The following LPP variants were observed in gnomAD, a reference collection of about 807,000 sequenced individuals.
The protein encoded by LPP is lipoma-preferred partner.
A neutral mutation model predicts 60.4 loss-of-function variants in LPP; 38 were observed. That is an observed-to-expected ratio of 0.63 (90% confidence interval 0.49 to 0.83). LPP has a LOEUF of 0.83. Among genes scored for constraint, LPP ranks in the 40% least tolerant of loss-of-function variants. The pLI, the probability that LPP is intolerant of heterozygous loss-of-function variation, is 0.00. For missense variants in LPP, 902 were observed against 783.6 expected, an observed-to-expected ratio of 1.15 and a Z score of -1.80; for synonymous variants, 328 against 290.8, an observed-to-expected ratio of 1.13 and a Z score of -1.30.
chr3:188,784,399 A>G, intron 9 of LPP, among the ~76,000 whole-genome samples: 1 of 9,714 alleles, frequency 1.0e-4, no homozygotes, highest in South Asian at 4.5e-3. Context: ...TCCATCATAT[A>G]TATATATTCC....
chr3:188,420,490 T>C (rs541591584), intron 4 of LPP, among the ~76,000 whole-genome samples: 9 of 152,336 alleles, frequency 5.9e-5, no homozygotes, highest in African/African-American at 2.2e-4. Context: ...GATTATTAAC[T>C]ACACAATCTC....
At chr3:188,370,455 A>G (rs968985192) in intron 3 of LPP, among the ~76,000 whole-genome samples, 1 of 152,076 alleles carries the variant, frequency 6.6e-6, no homozygotes, top group African/African-American at 2.4e-5. Flanking sequence ...CATCTAATCA[A>G]CATGATGATT....
At chr3:188,428,512 A>G (rs1280902025) in intron 4 of LPP, among the ~76,000 whole-genome samples, 1 of 151,962 alleles carries the variant, frequency 6.6e-6, no homozygotes, top group Non-Finnish European at 1.5e-5. Flanking sequence ...CACCTGGGGA[A>G]CTTCAAAAAA....
chr3:188,650,276 A>C (rs1276342040), intron 7 of LPP, among the ~76,000 whole-genome samples: 5 of 152,232 alleles, frequency 3.3e-5, no homozygotes, highest in African/African-American at 1.2e-4. Context: ...AATTTCTTGA[A>C]GGTGATGTCA....
At chr3:188,315,847 A>G (rs963871749) in intron 2 of LPP, among the ~76,000 whole-genome samples, 1 of 152,344 alleles carries the variant, frequency 6.6e-6, no homozygotes, top group Admixed American at 6.5e-5. Flanking sequence ...CTAGGTATCT[A>G]CTAATGTGTA....
At chr3:188,638,038 AAAGCCTGGCAGAGACAC>A (rs1413055209) in intron 7 of LPP, among the ~76,000 whole-genome samples, 7 of 150,478 alleles carry the variant, frequency 4.7e-5, no homozygotes, top group African/African-American at 1.7e-4. Context: ...TCCTGATACC[AAAGCCTGGCAGAGACAC>A]AACCAAAAAA....
At chr3:188,277,872 T>G (rs1024343922) in intron 2 of LPP, among the ~76,000 whole-genome samples, 3 of 152,196 alleles carry the variant, frequency 2.0e-5, no homozygotes, top group African/African-American at 7.2e-5. Flanking sequence ...CCCTGGCTAT[T>G]GTCATTCGCC....
intron 2 of LPP, among the ~76,000 whole-genome samples, chr3:188,295,130 C>T (rs555002888): frequency 5.3e-5 from 8 of 152,316 alleles, no homozygotes; most frequent in South Asian, 2.1e-4. Context: ...TGTATTTGAA[C>T]GGTTCGTACA....
chr3:188,759,265 C>T (rs1250787712), intron 8 of LPP: 1 of 152,180 alleles, frequency 6.6e-6, no homozygotes. Context: ...ATATGTAGGC[C>T]AGATGCCACA....
rs147125668 is a variant in LPP at position 188,723,706 on chromosome 3, T to TA, written c.1240+15324dup. ...ATCCACTTAGCTTGTGAATGTAGCT[T>TA]AAAAAAAAAAAGATTTTACACAAAT... On this transcript the variant is annotated intron_variant, in intron 8 of 11. Coordinates refer to ENST00000617246, the MANE Select transcript of LPP (RefSeq NM_001375462.1). Among the ~76,000 whole-genome samples the TA allele has an allele frequency of 3.7e-4, 54 of 145,570 alleles. No homozygotes were observed. In the South Asian group the frequency reaches 3.9e-3, roughly 11 times the overall value.
chr3:188,443,019 T>G (rs1794401016), intron 4 of LPP, among the ~76,000 whole-genome samples: 1 of 152,202 alleles, frequency 6.6e-6, no homozygotes, highest in Non-Finnish European at 1.5e-5. Flanking sequence ...ACACAAATTT[T>G]TTTTCTGTTT....
chr3:188,401,814 G>A (rs1451233115), intron 3 of LPP, among the ~76,000 whole-genome samples: 1 of 152,206 alleles, frequency 6.6e-6, no homozygotes, highest in African/African-American at 2.4e-5. Context: ...ACAACAGTAT[G>A]TAGATGCTGT....
chr3:188,363,494 C>T (rs971601789), intron 3 of LPP, among the ~76,000 whole-genome samples: 5 of 152,192 alleles, frequency 3.3e-5, no homozygotes, highest in Admixed American at 6.5e-5. Context: ...TTCATATTTC[C>T]ATCAAGGCAG....
At chr3:188,494,795 T>C (rs1337960979) in intron 5 of LPP, among the ~76,000 whole-genome samples, 1 of 152,024 alleles carries the variant, frequency 6.6e-6, no homozygotes. Context: ...GACTGTAACG[T>C]GCTGCTCAAC....
At chr3:188,672,942 A>G (rs569985877) in intron 7 of LPP, among the ~76,000 whole-genome samples, 1 of 151,930 alleles carries the variant, frequency 6.6e-6, no homozygotes, top group East Asian at 1.9e-4. Flanking sequence ...TCTAAGGAAA[A>G]AATTGTTTTC....
At position 188,887,049 on chromosome 3, in the gene LPP, T is replaced by C. The variant is rs1770764143; in HGVS notation, c.*12570T>C. 1 of 230,776 alleles carries C rather than the reference T, an allele frequency of 4.3e-6. No homozygotes were observed. The highest frequency in any genetic ancestry group is 2.2e-5 in the African/African-American group (1 of 45,198). 14.3% of individuals were successfully genotyped at this position (230,776 alleles called of 1,614,324 possible). A position where few individuals can be genotyped will look rare whatever the true frequency, so the allele number is the denominator to read the frequency against. On this transcript the variant is annotated 3_prime_UTR_variant, in exon 12 of 12. Transcript: ENST00000617246. ...AAGAACTATTCTTGGTCATTATTGA[T>C]GTATTGTGTTGCCACTTTGTATGGT... is the stretch of plus-strand genomic sequence containing the variant.
At chr3:188,446,612 A>G (rs1004738559) in intron 4 of LPP, among the ~76,000 whole-genome samples, 8 of 152,094 alleles carry the variant, frequency 5.3e-5, no homozygotes, top group African/African-American at 1.9e-4. Context: ...TTTTTCACGG[A>G]CTGATGAAAA....
intron 9 of LPP, among the ~76,000 whole-genome samples, chr3:188,825,269 C>CTCTCTCTCTGTG (rs1463318065): frequency 2.3e-4 from 23 of 101,756 alleles, no homozygotes; most frequent in African/African-American, 5.1e-4. Flanking sequence ...CTCTCTCTCT[C>CTCTCTCTCTGTG]TGTGTGTGTG....
At chr3:188,265,399 T>A (rs370988760) in intron 2 of LPP, among the ~76,000 whole-genome samples, 1 of 152,068 alleles carries the variant, frequency 6.6e-6, no homozygotes, top group African/African-American at 2.4e-5. Context: ...GTGTGTGTGC[T>A]CATGCTTTGG....
Sources: allele counts gnomAD v4.1 joint callset (sites outside exome capture counted in the v4.1 genomes callset), GRCh38; gene constraint gnomAD v4.1.1; transcripts MANE v1.5; gene names NCBI Gene and HGNC (gene_info 2026-07-23, HGNC 2026-07-21).